Variants in CD96 observed in about 807,000 individuals in gnomAD.
CD96 encodes CD96 molecule, also known as T-cell surface protein tactile.
Under a neutral mutation model 71.3 loss-of-function variants are expected in CD96, and 70 were observed. That is an observed-to-expected ratio of 0.98 (90% CI 0.81 to 1.20). The LOEUF (loss-of-function observed/expected upper bound fraction) is 1.20, where lower values mean the gene tolerates loss of function less well. Among genes scored for constraint, CD96 ranks in the 50% most tolerant of loss-of-function variants. The pLI is 0.00. For synonymous variants in CD96, 248 were observed against 233.0 expected (o/e 1.06, Z -0.59); for missense variants, 742 against 677.5 (o/e 1.10, Z -1.06).
chr3:111,567,417 A>G (rs1304328241), intron 2 of CD96, 106 bp from the exon 3 acceptor site: 32 of 862,942 alleles, frequency 3.7e-5, no homozygotes, highest in Non-Finnish European at 6.1e-5. Context: ...GTGTACCCTG[A>G]GGACAGATGA....
chr3:111,588,140 T>C (rs1936800474), intron 5 of CD96, among the ~76,000 whole-genome samples: 2 of 152,228 alleles, frequency 1.3e-5, no homozygotes, highest in African/African-American at 4.8e-5. Flanking sequence ...TCCAAACTTT[T>C]ATTCTCTGTT....
At chr3:111,555,101 G>T (rs1934921917) in intron 2 of CD96, among the ~76,000 whole-genome samples, 3 of 152,124 alleles carry the variant, frequency 2.0e-5, no homozygotes, top group Non-Finnish European at 4.4e-5. Flanking sequence ...CTCACACACT[G>T]CTCACCTCCT....
intron 5 of CD96, among the ~76,000 whole-genome samples, chr3:111,589,719 TAAC>T (rs1936886322): frequency 6.6e-6 from 1 of 152,206 alleles, no homozygotes; most frequent in Non-Finnish European, 1.5e-5. Context: ...TGGAAAGTCT[TAAC>T]AACTGGCTGA....
At chr3:111,665,352 C>T (rs1254249969) in intron 14 of CD96, among the ~76,000 whole-genome samples, 1 of 152,136 alleles carries the variant, frequency 6.6e-6, no homozygotes, top group African/African-American at 2.4e-5. Flanking sequence ...TCCAAGACTG[C>T]AACCTTTTTA....
At chr3:111,585,190 T>C (rs1936649555) in intron 4 of CD96, 133 bp from the exon 5 acceptor site, 1 of 307,912 alleles carries the variant, frequency 3.2e-6, no homozygotes, top group Admixed American at 4.8e-5. Context: ...CAGTATTATA[T>C]TAATAAATAT....
rs180738876 is a variant in CD96 at position 111,564,830 on chromosome 3, G to A, written c.419-2693G>A. Among the ~76,000 whole-genome samples, 8 of 152,024 alleles carry A rather than the reference G, an allele frequency of 5.3e-5. No individual in the cohort carries two copies. The East Asian group carries it at 1.2e-3, about 22-fold the overall frequency. On this transcript the variant is annotated intron_variant, in intron 2 of 13. Transcript: ENST00000352690. ...TAGAGTGTTCAGTATCCCTAAAGCCGCCTCTTCTGTTATTTTCAAGGTAAG... is the reference window on the plus strand; with the variant it reads ...TAGAGTGTTCAGTATCCCTAAAGCCACCTCTTCTGTTATTTTCAAGGTAAG...
chr3:111,600,894 A>G lies in CD96; in HGVS notation c.1067A>G (p.Glu356Gly). 1.2e-6 allele frequency: 2 copies of G among 1,611,232 alleles called. No homozygotes were observed. The change falls in exon 7 of 14, where the codon GAA becomes GGA. Residue 356 changes from glutamate to glycine, a missense_variant. Physicochemically the swap from Glu to Gly is moderately conservative, Grantham distance 98. Coordinates refer to ENST00000352690, the MANE Select transcript of CD96 (RefSeq NM_005816.5). ...AATAAAGTGTGGAACATCTCATCAGAAAAGATCACTTTTCTCTTAGGTGAG... is the reference window on the plus strand; with the variant it reads ...AATAAAGTGTGGAACATCTCATCAGGAAAGATCACTTTTCTCTTAGGTGAG... The part of the protein sequence containing the change: ...PGNKVWNISS[E>G]KITFLLGSEI...
At position 111,567,539 on chromosome 3, in the gene CD96, G is replaced by T; in HGVS notation, c.435G>T (p.Trp145Cys). 6.2e-7 allele frequency: 1 copy of T among 1,604,982 alleles called. No individual in the cohort carries two copies. Among genetic ancestry groups the T allele is most frequent in the Non-Finnish European group, 8.5e-7 (1 of 1,171,938 alleles). The stretch of plus-strand genomic sequence containing the variant: ...TTGTTACAGTTACAGCAGATGAATG[G>T]AACAGCAACCATACGATAGAAATAG... ...LIQTHVTADE[W>C]NSNHTIEIEI... is the part of the protein sequence containing the mutation. The change falls in exon 3 of 14, where the codon TGG becomes TGT. Residue 145 changes from tryptophan (W) to cysteine (C), a missense_variant. Trp to Cys is a radical substitution (Grantham distance 215, BLOSUM62 -2). Coordinates refer to ENST00000352690, the MANE Select transcript of CD96 (RefSeq NM_005816.5).
chr3:111,554,908 C>G (rs1934910691), intron 2 of CD96, among the ~76,000 whole-genome samples: 1 of 151,776 alleles, frequency 6.6e-6, no homozygotes, highest in Admixed American at 6.6e-5. Context: ...GAAACAGCAA[C>G]AGATCATCAG....
chr3:111,627,246 G>C (rs74730089), intron 10 of CD96, among the ~76,000 whole-genome samples: 72 of 152,304 alleles, frequency 4.7e-4, no homozygotes, highest in African/African-American at 1.7e-3. Flanking sequence ...TTGGGACAGA[G>C]TGCCTTGTGG....
In CD96 at chr3:111,545,377, C is replaced by T. The variant is rs767744378; in HGVS notation, c.393C>T (p.Ile131=). ...VLYPEGIQTK[I]YNLLIQTHVT... ...ATCCAGAGGGCATTCAGACTAAAAT[C>T]TACAACCTTCTCATTCAGACACACG... Residue 131 remains isoleucine (I), a synonymous_variant, in exon 2 of 14, where the codon ATC becomes ATT. Transcript: ENST00000352690. 6.8e-6 allele frequency: 11 copies of T among 1,606,548 alleles called. No homozygotes were observed. In the South Asian group the frequency reaches 1.2e-4, roughly 18 times the overall value.
At chr3:111,603,153 TATC>T (rs1238477729) in intron 7 of CD96, among the ~76,000 whole-genome samples, 2 of 152,098 alleles carry the variant, frequency 1.3e-5, no homozygotes, top group African/African-American at 4.8e-5. Context: ...CTTTCAAAAA[TATC>T]ATGGACCAGG....
intron 3 of CD96, among the ~76,000 whole-genome samples, chr3:111,576,500 G>T (rs1936228070): frequency 6.6e-6 from 1 of 152,152 alleles, no homozygotes; most frequent in Admixed American, 6.5e-5. Context: ...AGATACTTCA[G>T]AAAGGTTTTT....
intron 13 of CD96, among the ~76,000 whole-genome samples, chr3:111,648,272 C>T (rs1939925395): frequency 6.6e-6 from 1 of 152,202 alleles, no homozygotes; most frequent in Non-Finnish European, 1.5e-5. Flanking sequence ...TATTTTGAGT[C>T]AGTCTGGGTT....
chr3:111,661,296 C>A (rs1481348565), intron 14 of CD96, among the ~76,000 whole-genome samples: 1 of 152,164 alleles, frequency 6.6e-6, no homozygotes, highest in East Asian at 1.9e-4. Context: ...AATTACAATT[C>A]AACATGAGAT....
intron 2 of CD96, among the ~76,000 whole-genome samples, chr3:111,546,749 A>G (rs1186046899): frequency 5.3e-5 from 8 of 152,102 alleles, no homozygotes; most frequent in African/African-American, 1.2e-4. Flanking sequence ...AGCAACAGGT[A>G]TGGATTTATA....
chr3:111,553,363 G>T (rs1934818396), intron 2 of CD96, among the ~76,000 whole-genome samples: 2 of 150,660 alleles, frequency 1.3e-5, no homozygotes, highest in South Asian at 4.2e-4. Flanking sequence ...TCACCTTATA[G>T]TTAGACTTAT....
intron 1 of CD96, among the ~76,000 whole-genome samples, chr3:111,542,695 G>A (rs1934165483): frequency 6.6e-6 from 1 of 152,186 alleles, no homozygotes; most frequent in Non-Finnish European, 1.5e-5. Flanking sequence ...AGAGATCCTT[G>A]TTTAACTTTT....
At chr3:111,636,769 G>C (rs922665750) in intron 10 of CD96, among the ~76,000 whole-genome samples, 2 of 152,214 alleles carry the variant, frequency 1.3e-5, no homozygotes, top group Non-Finnish European at 2.9e-5. Context: ...CAAGTACAAA[G>C]TGTTTTCGTC....
Sources: gnomAD v4.1 joint callset for allele counts (sites outside exome capture counted in the v4.1 genomes callset) on GRCh38, gnomAD v4.1.1 for gene constraint, MANE v1.5 for transcripts, NCBI Gene and HGNC (gene_info 2026-07-23, HGNC 2026-07-21) for gene names.